RBFOX1: variants seen among roughly 807,000 people sequenced by gnomAD.
RBFOX1 encodes RNA binding protein fox-1 homolog 1.
In RBFOX1, 8 loss-of-function variants were observed where a neutral mutation model predicts 57.7. The ratio of observed to expected loss-of-function variants is 0.14; its 90% confidence interval spans 0.08 to 0.25. The LOEUF is 0.25. RBFOX1 is among the 10% of genes least tolerant of loss of function. The probability of loss-of-function intolerance (pLI) is 1.00; values close to 1 mark genes in which losing one functional copy is unlikely to be tolerated. For synonymous variants in RBFOX1, 326 were observed against 222.4 expected, an observed-to-expected ratio of 1.47 and a Z score of -4.15; for missense variants, 611 against 548.5, an observed-to-expected ratio of 1.11 and a Z score of -1.14.
chr16:6,953,846 T>C (rs567225767), intron 3 of RBFOX1, among the ~76,000 whole-genome samples: 1 of 152,346 alleles, frequency 6.6e-6, no homozygotes, highest in Admixed American at 6.5e-5. Context: ...GATACCTGAC[T>C]TGAATCTCTC....
chr16:7,635,535 G>A (rs2061612155), intron 11 of RBFOX1, among the ~76,000 whole-genome samples: 1 of 151,814 alleles, frequency 6.6e-6, no homozygotes, highest in East Asian at 1.9e-4. Flanking sequence ...TTTCTCCGTG[G>A]TTATTCAGGA....
intron 1 of RBFOX1, among the ~76,000 whole-genome samples, chr16:6,124,682 T>G (rs1299863314): frequency 6.6e-6 from 1 of 151,922 alleles, no homozygotes; most frequent in Non-Finnish European, 1.5e-5. Flanking sequence ...GTTGTTGTTG[T>G]TTTTTGTTTG....
At chr16:6,125,771 G>A (rs947989556) in intron 1 of RBFOX1, among the ~76,000 whole-genome samples, 1 of 152,074 alleles carries the variant, frequency 6.6e-6, no homozygotes, top group Non-Finnish European at 1.5e-5. Flanking sequence ...CGCTCTCTGT[G>A]GGATGTTCTC....
intron 2 of RBFOX1, among the ~76,000 whole-genome samples, chr16:6,615,528 C>G (rs563016792): frequency 2.0e-5 from 3 of 151,586 alleles, no homozygotes; most frequent in African/African-American, 7.3e-5. Context: ...CAAGATCGCA[C>G]CACATCTCTC....
At chr16:6,486,124 C>G (rs543891988) in intron 2 of RBFOX1, among the ~76,000 whole-genome samples, 2 of 109,544 alleles carry the variant, frequency 1.8e-5, no homozygotes, top group South Asian at 6.2e-4. Context: ...GATTGCCTTC[C>G]TATAAACTAT....
At chr16:5,397,088 C>A (rs1335883523) in intron 1 of RBFOX1, among the ~76,000 whole-genome samples, 4 of 152,198 alleles carry the variant, frequency 2.6e-5, no homozygotes, top group African/African-American at 9.6e-5. Flanking sequence ...TAGCAGAGAG[C>A]AGAGACATTT....
chr16:7,460,092 G>A (rs1474516779), intron 4 of RBFOX1, among the ~76,000 whole-genome samples: 3 of 151,858 alleles, frequency 2.0e-5, no homozygotes, highest in African/African-American at 2.4e-5. Context: ...TCATCAATTC[G>A]AAAATATCAT....
At chr16:6,880,303 C>T (rs1004737715) in intron 3 of RBFOX1, among the ~76,000 whole-genome samples, 1 of 152,124 alleles carries the variant, frequency 6.6e-6, no homozygotes, top group African/African-American at 2.4e-5. Context: ...GCTGGGTAGA[C>T]GAGGCAGCCA....
intron 3 of RBFOX1, among the ~76,000 whole-genome samples, chr16:6,807,122 C>A (rs1397789046): frequency 1.3e-5 from 2 of 151,846 alleles, no homozygotes; most frequent in Non-Finnish European, 2.9e-5. Context: ...GTGTAAGCCA[C>A]CGTGCCCAGC....
chr16:6,287,524 A>G (rs1268335652), intron 1 of RBFOX1, among the ~76,000 whole-genome samples: 3 of 152,184 alleles, frequency 2.0e-5, no homozygotes, highest in Non-Finnish European at 4.4e-5. Context: ...CAGGTTCATG[A>G]GGCTCATCTA....
chr16:6,009,804 GTGTGTGTGTGTC>G (rs1414720212), intron 4 of RBFOX1, among the ~76,000 whole-genome samples: 12 of 144,572 alleles, frequency 8.3e-5, no homozygotes, highest in Non-Finnish European at 1.8e-4. Context: ...GTGTGTGTAT[GTGTGTGTGTGTC>G]TGTGTGTGTG....
rs3046798 is a variant in RBFOX1, at chr16:7,144,417, C to CTTCTTTTTTTTTTTTTTTTTTTTTTTTTT, written c.27+92321_27+92322insCTTTTTTTTTTTTTTTTTTTTTTTTTTTT. On this transcript the variant is annotated intron_variant, in intron 4 of 15. Coordinates refer to ENST00000550418, the MANE Select transcript of RBFOX1 (RefSeq NM_018723.4). ...TCTTTTCTCTTTCTTTTTCTTTCTT[C>CTTCTTTTTTTTTTTTTTTTTTTTTTTTTT]TTTTTTTTTTTTTTTTTTTTTGAGT... Among the ~76,000 whole-genome samples the CTTCTTTTTTTTTTTTTTTTTTTTTTTTTT allele has an allele frequency of 3.0e-4, 20 of 66,924 alleles. 1 individual carries two copies. The highest frequency in any genetic ancestry group is 4.8e-4 in the African/African-American group (8 of 16,500). 43.9% of individuals were successfully genotyped at this position (66,924 alleles called of 152,430 possible).
chr16:6,813,367 G>C (rs148630822), intron 3 of RBFOX1, among the ~76,000 whole-genome samples: 2 of 152,084 alleles, frequency 1.3e-5, no homozygotes, highest in Non-Finnish European at 2.9e-5. Flanking sequence ...GCTGCTGCTT[G>C]TTGCAATTCC....
chr16:6,976,371 T>G (rs554725251), intron 3 of RBFOX1, among the ~76,000 whole-genome samples: 47 of 152,162 alleles, frequency 3.1e-4, no homozygotes, highest in Non-Finnish European at 5.9e-4. Flanking sequence ...TATCCATGAA[T>G]ACATGAAGCA....
intron 4 of RBFOX1, among the ~76,000 whole-genome samples, chr16:5,915,454 T>G (rs1279391882): frequency 6.6e-6 from 1 of 152,186 alleles, no homozygotes; most frequent in African/African-American, 2.4e-5. Context: ...TGCCTACTTA[T>G]TCCTTGGGGC....
chr16:6,830,321 C>G (rs1603629913), intron 3 of RBFOX1, among the ~76,000 whole-genome samples: 1 of 152,186 alleles, frequency 6.6e-6, no homozygotes, highest in Non-Finnish European at 1.5e-5. Flanking sequence ...AACTATTATT[C>G]CTGGTTAGTT....
At chr16:6,981,125 T>G (rs2088719142) in intron 3 of RBFOX1, among the ~76,000 whole-genome samples, 1 of 151,952 alleles carries the variant, frequency 6.6e-6, no homozygotes, top group South Asian at 2.1e-4. Flanking sequence ...TTTTTTATTT[T>G]TTTAATTTTA....
At chr16:5,740,517 T>C (rs116772218) in intron 3 of RBFOX1, among the ~76,000 whole-genome samples, 447 of 152,288 alleles carry the variant, frequency 2.9e-3, no homozygotes, top group African/African-American at 9.0e-3. Flanking sequence ...TAGGACTCAA[T>C]TGATTACACG....
chr16:5,812,360 C>G (rs1220780102), intron 3 of RBFOX1, among the ~76,000 whole-genome samples: 1 of 152,068 alleles, frequency 6.6e-6, no homozygotes, highest in East Asian at 1.9e-4. Context: ...AACTTCCAAA[C>G]TGTTTTCCAG....
Sources: gnomAD v4.1 joint callset for allele counts (sites outside exome capture counted in the v4.1 genomes callset) on GRCh38, gnomAD v4.1.1 for gene constraint, MANE v1.5 for transcripts, NCBI Gene and HGNC (gene_info 2026-07-23, HGNC 2026-07-21) for gene names.